Variants in ZBTB20 observed in about 807,000 individuals in gnomAD.
ZBTB20 encodes the protein zinc finger and BTB domain-containing protein 20.
ZBTB20 carries 9 observed loss-of-function variants against 56.9 expected under a neutral mutation model. The observed-to-expected ratio is 0.16, with a 90% CI of 0.10 to 0.28. ZBTB20 has a LOEUF of 0.28. ZBTB20 is among the 10% of genes least tolerant of loss of function. The pLI, the probability that ZBTB20 is intolerant of heterozygous loss-of-function variation, is 1.00. For missense variants in ZBTB20, 655 were observed against 1,003.0 expected, an observed-to-expected ratio of 0.65 and a Z score of 4.69; for synonymous variants, 417 against 420.7, an observed-to-expected ratio of 0.99 and a Z score of 0.11.
At chr3:114,347,077 GTTTTTTTTTTTTTT>G (rs59044965) in intron 11 of ZBTB20, among the ~76,000 whole-genome samples, 12 of 71,064 alleles carry the variant, frequency 1.7e-4, no homozygotes, top group African/African-American at 3.9e-4. Context: ...TTCTCTTCAG[GTTTTTTTTTTTTTT>G]TTTTTTTTTT....
rs1254784454 is a variant in ZBTB20 at position 114,327,130 on chromosome 3, G to A, written c.*11875C>T. On this transcript the variant is annotated 3_prime_UTR_variant, in exon 12 of 12. Coordinates refer to ENST00000675478, the MANE Select transcript of ZBTB20 (RefSeq NM_001348800.3). Reference sequence around the variant, plus strand: ...AGGTGTCAGCTTGGAAAGACAGGAGGCTCATAAGCAATAATAAATTCACAC... The same window carrying A: ...AGGTGTCAGCTTGGAAAGACAGGAGACTCATAAGCAATAATAAATTCACAC... 6.6e-6 allele frequency: 1 copy of A among 152,136 alleles called. No individual in the cohort carries two copies. Among genetic ancestry groups the A allele is most frequent in the Non-Finnish European group, 1.5e-5 (1 of 68,016 alleles). 9.4% of individuals were successfully genotyped at this position (152,136 alleles called of 1,614,324 possible).
intron 7 of ZBTB20, among the ~76,000 whole-genome samples, chr3:114,497,046 T>C (rs1275322607): frequency 6.6e-6 from 1 of 152,146 alleles, no homozygotes; most frequent in African/African-American, 2.4e-5. Flanking sequence ...GGTCTGAAAT[T>C]TGACTCCACA....
At chr3:114,719,926 A>G (rs2064794281) in intron 5 of ZBTB20, among the ~76,000 whole-genome samples, 1 of 152,034 alleles carries the variant, frequency 6.6e-6, no homozygotes, top group Admixed American at 6.6e-5. Flanking sequence ...AAATCCTCCC[A>G]GTGAGTAGCT....
chr3:114,790,108 G>A (rs1338666504), intron 5 of ZBTB20, among the ~76,000 whole-genome samples: 3 of 152,220 alleles, frequency 2.0e-5, no homozygotes, highest in South Asian at 2.1e-4. Context: ...CTTACAGTAT[G>A]CATTTTCTTT....
intron 7 of ZBTB20, among the ~76,000 whole-genome samples, chr3:114,442,025 G>A (rs961637215): frequency 5.9e-5 from 9 of 152,138 alleles, no homozygotes; most frequent in Admixed American, 5.2e-4. Context: ...GTTTGGTGGG[G>A]GTTGTTGGGG....
chr3:114,856,285 A>G, intron 4 of ZBTB20, among the ~76,000 whole-genome samples: 1 of 152,268 alleles, frequency 6.6e-6, no homozygotes, highest in South Asian at 2.1e-4. Context: ...CTGAGGTAGT[A>G]TTATTATGAT....
chr3:115,047,409 A>C (rs1459730253), intron 2 of ZBTB20, among the ~76,000 whole-genome samples: 1 of 152,208 alleles, frequency 6.6e-6, no homozygotes, highest in Non-Finnish European at 1.5e-5. Flanking sequence ...TGTGCTTCTT[A>C]AGCTGATTGT....
chr3:115,086,253 G>A (rs530970500), intron 1 of ZBTB20, among the ~76,000 whole-genome samples: 1 of 151,902 alleles, frequency 6.6e-6, no homozygotes, highest in East Asian at 1.9e-4. Flanking sequence ...TCACCTTAAA[G>A]GCTTATGAAG....
At chr3:114,791,546 C>A (rs941436976) in intron 5 of ZBTB20, 9 of 152,068 alleles carry the variant, frequency 5.9e-5, no homozygotes, top group African/African-American at 2.2e-4. Flanking sequence ...ACCTGCCAAC[C>A]CTAACCTAGA....
intron 1 of ZBTB20, among the ~76,000 whole-genome samples, chr3:115,088,618 A>G (rs2083076396): frequency 6.6e-6 from 1 of 151,886 alleles, no homozygotes; most frequent in African/African-American, 2.4e-5. Context: ...TAAAAAATAT[A>G]AAAATTACAT....
At chr3:114,873,021 T>C (rs1169342105) in intron 4 of ZBTB20, 1 of 152,146 alleles carries the variant, frequency 6.6e-6, no homozygotes, top group Non-Finnish European at 1.5e-5. Context: ...TTGAGAACCA[T>C]CAAGTCCTAC....
intron 2 of ZBTB20, among the ~76,000 whole-genome samples, chr3:115,060,109 C>T (rs573013173): frequency 6.6e-6 from 1 of 152,144 alleles, no homozygotes; most frequent in East Asian, 1.9e-4. Flanking sequence ...CCATGCTTAA[C>T]TTTGTATCAT....
chr3:114,667,013 T>C (rs1373182573), intron 6 of ZBTB20, among the ~76,000 whole-genome samples: 1 of 152,048 alleles, frequency 6.6e-6, no homozygotes, highest in Admixed American at 6.6e-5. Context: ...ATGAAATGTG[T>C]AAAAGCGTAA....
chr3:114,941,411 T>C (rs2076719803), intron 3 of ZBTB20, among the ~76,000 whole-genome samples: 1 of 146,448 alleles, frequency 6.8e-6, no homozygotes, highest in Non-Finnish European at 1.5e-5. Context: ...TTTAAAATGC[T>C]TTCAAATCAA....
chr3:114,976,923 T>G (rs1335393811), intron 2 of ZBTB20, among the ~76,000 whole-genome samples: 1 of 151,974 alleles, frequency 6.6e-6, no homozygotes, highest in African/African-American at 2.4e-5. Flanking sequence ...ACAGACTACA[T>G]GAATATGAAA....
intron 1 of ZBTB20, among the ~76,000 whole-genome samples, chr3:115,089,755 T>A (rs563132036): frequency 1.3e-5 from 2 of 151,834 alleles, no homozygotes; most frequent in Middle Eastern, 3.2e-3. Flanking sequence ...TGCAACAAAG[T>A]TGTTGTATGC....
chr3:114,866,302 TG>T (rs2075761687), intron 4 of ZBTB20, among the ~76,000 whole-genome samples: 2 of 152,310 alleles, frequency 1.3e-5, no homozygotes, highest in South Asian at 4.1e-4. Context: ...TTGAGTAATT[TG>T]CCTATTGTTA....
intron 2 of ZBTB20, among the ~76,000 whole-genome samples, chr3:115,052,147 T>C (rs1349836011): frequency 6.6e-6 from 1 of 152,008 alleles, no homozygotes; most frequent in Non-Finnish European, 1.5e-5. Flanking sequence ...AATTTAATGA[T>C]ATAATAAAAC....
Position 114,878,541 on chromosome 3 carries a change from G to A in ZBTB20, c.-417+21763C>T, listed in dbSNP as rs546907670. Among the ~76,000 whole-genome samples the A allele has an allele frequency of 1.0e-4, 15 of 145,916 alleles. No homozygotes were observed. The South Asian group carries it at 2.4e-3, about 23-fold the overall frequency. The stretch of plus-strand genomic sequence containing the variant: ...CTCCACTCAGCAATGCTATCCCTTT[G>A]TAAGTCTCCAAACCTGCATGACTCT... On this transcript the variant is annotated intron_variant, in intron 4 of 11. Transcript: ENST00000675478.
Sources: gnomAD v4.1 joint callset for allele counts (sites outside exome capture counted in the v4.1 genomes callset) on GRCh38, gnomAD v4.1.1 for gene constraint, MANE v1.5 for transcripts, NCBI Gene and HGNC (gene_info 2026-07-23, HGNC 2026-07-21) for gene names.